WWOX: variants seen among roughly 807,000 people sequenced by gnomAD.
WWOX encodes the protein WW domain containing oxidoreductase.
A neutral mutation model predicts 46.2 loss-of-function variants in WWOX; 69 were observed. That is an observed-to-expected ratio of 1.49 (90% CI 1.23 to 1.82). WWOX has a LOEUF of 1.82. Among genes scored for constraint, WWOX ranks in the 40% most tolerant of loss-of-function variants. WWOX has a pLI of 0.00. For missense variants in WWOX, 919 were observed against 542.6 expected (o/e 1.69, Z -6.89); for synonymous variants, 359 against 202.6 (o/e 1.77, Z -6.56).
At chr16:78,535,873 C>T (rs143664528) in intron 8 of WWOX, among the ~76,000 whole-genome samples, 1 of 152,266 alleles carries the variant, frequency 6.6e-6, no homozygotes, top group East Asian at 1.9e-4. Flanking sequence ...TTTAGGCTTT[C>T]TTGGACTCAT....
chr16:78,253,016 C>G (rs147002795), intron 5 of WWOX, among the ~76,000 whole-genome samples: 108 of 152,276 alleles, frequency 7.1e-4, no homozygotes, highest in African/African-American at 2.5e-3. Flanking sequence ...TACGTAGGCC[C>G]TTTATAAATG....
At chr16:78,479,173 G>A (rs2084428376) in intron 8 of WWOX, among the ~76,000 whole-genome samples, 1 of 152,126 alleles carries the variant, frequency 6.6e-6, no homozygotes, top group African/African-American at 2.4e-5. Flanking sequence ...TTTTCTTTCT[G>A]TTTGGATTAA....
At chr16:78,244,506 A>G (rs955091536) in intron 5 of WWOX, among the ~76,000 whole-genome samples, 2 of 152,180 alleles carry the variant, frequency 1.3e-5, no homozygotes, top group African/African-American at 4.8e-5. Flanking sequence ...TGGTCTTGCC[A>G]CATTGCATCT....
chr16:79,132,617 C>T (rs1290247529), intron 8 of WWOX, among the ~76,000 whole-genome samples: 1 of 152,070 alleles, frequency 6.6e-6, no homozygotes, highest in Non-Finnish European at 1.5e-5. Flanking sequence ...TTCCCTCAAA[C>T]ATCGCTTTTC....
intron 8 of WWOX, among the ~76,000 whole-genome samples, chr16:78,613,193 C>G (rs764715831): frequency 6.6e-6 from 1 of 152,164 alleles, no homozygotes; most frequent in Non-Finnish European, 1.5e-5. Context: ...GCCCATCACC[C>G]CGATCACATG....
intron 5 of WWOX, chr16:78,278,572 T>G (rs1468214542): frequency 3.1e-6 from 5 of 1,593,810 alleles, no homozygotes; most frequent in Non-Finnish European, 4.3e-6. Context: ...AACTTAATTT[T>G]ACACAACTGT....
At chr16:78,744,984 C>T (rs2049314364) in intron 8 of WWOX, among the ~76,000 whole-genome samples, 2 of 152,208 alleles carry the variant, frequency 1.3e-5, no homozygotes, top group African/African-American at 4.8e-5. Context: ...ATCATGACTC[C>T]TGGCTTCCCC....
At chr16:79,013,578 C>T (rs1192056564) in intron 8 of WWOX, among the ~76,000 whole-genome samples, 2 of 152,158 alleles carry the variant, frequency 1.3e-5, no homozygotes, top group Non-Finnish European at 2.9e-5. Flanking sequence ...GCTCAGTGTA[C>T]TGTCTTCCAC....
chr16:78,407,645 T>C (rs530189433), intron 6 of WWOX, among the ~76,000 whole-genome samples: 36 of 152,290 alleles, frequency 2.4e-4, no homozygotes, highest in African/African-American at 8.7e-4. Flanking sequence ...GGGTTTGTCT[T>C]GTCTCCACAG....
chr16:78,916,806 A>G (rs371583003), intron 8 of WWOX, among the ~76,000 whole-genome samples: 186 of 152,314 alleles, frequency 1.2e-3, no homozygotes, highest in African/African-American at 4.3e-3. Flanking sequence ...ACTGTTTTCA[A>G]TTTTCTGCTG....
intron 8 of WWOX, among the ~76,000 whole-genome samples, chr16:79,027,016 A>C (rs1213898398): frequency 1.3e-5 from 2 of 151,482 alleles, no homozygotes; most frequent in Non-Finnish European, 2.9e-5. Context: ...ACAGTGGCTC[A>C]TGCCTGTAAT....
At chr16:78,897,240 T>TG (rs1300621739) in intron 8 of WWOX, 1 of 53,724 alleles carries the variant, frequency 1.9e-5, no homozygotes, top group East Asian at 8.1e-4. Context: ...AGACTGTCTT[T>TG]AAAAAAAAAA....
chr16:79,105,937 T>G (rs2049299856), intron 8 of WWOX: 1 of 152,190 alleles, frequency 6.6e-6, no homozygotes, highest in African/African-American at 2.4e-5. Context: ...CCTCCCGAAG[T>G]GTTGGAATTA....
At chr16:79,173,565 C>G (rs536642324) in intron 8 of WWOX, among the ~76,000 whole-genome samples, 2 of 151,774 alleles carry the variant, frequency 1.3e-5, no homozygotes, top group South Asian at 4.2e-4. Context: ...GACTGTAGCT[C>G]ACAACACTCA....
At chr16:78,334,736 G>A (rs1178261415) in intron 5 of WWOX, among the ~76,000 whole-genome samples, 1 of 149,628 alleles carries the variant, frequency 6.7e-6, no homozygotes, top group East Asian at 2.0e-4. Flanking sequence ...AACCCATATG[G>A]GAGAAATTTC....
chr16:78,549,963 T>G (rs887651683), intron 8 of WWOX, among the ~76,000 whole-genome samples: 3 of 152,088 alleles, frequency 2.0e-5, no homozygotes, highest in African/African-American at 7.2e-5. Context: ...AGAGGAGGAC[T>G]GAAAATTCCC....
intron 5 of WWOX, chr16:78,167,731 C>T (rs550172225): frequency 6.6e-6 from 1 of 152,344 alleles, no homozygotes; most frequent in East Asian, 1.9e-4. Context: ...CATTCCATTG[C>T]ACCATTCATA....
At chr16:78,311,208 G>C (rs1411599677) in intron 5 of WWOX, among the ~76,000 whole-genome samples, 2 of 152,216 alleles carry the variant, frequency 1.3e-5, no homozygotes, top group Non-Finnish European at 2.9e-5. Context: ...AGGTGGCACA[G>C]TGTGGTTGGA....
At chr16:78,948,977 G>T (rs1034243698) in intron 8 of WWOX, among the ~76,000 whole-genome samples, 1 of 152,124 alleles carries the variant, frequency 6.6e-6, no homozygotes, top group Non-Finnish European at 1.5e-5. Flanking sequence ...ACTGCCACTG[G>T]CTTTGAAGAT....
Sources: gnomAD v4.1 joint callset for allele counts (sites outside exome capture counted in the v4.1 genomes callset) on GRCh38, gnomAD v4.1.1 for gene constraint, MANE v1.5 for transcripts, NCBI Gene and HGNC (gene_info 2026-07-23, HGNC 2026-07-21) for gene names.